The following FAT4 variants were observed in gnomAD, a reference collection of about 807,000 sequenced individuals.
FAT4 encodes FAT atypical cadherin 4, also known as protocadherin Fat 4.
Under a neutral mutation model 303.9 loss-of-function variants are expected in FAT4, and 84 were observed. That is an observed-to-expected ratio of 0.28 (90% confidence interval 0.23 to 0.33). The LOEUF (loss-of-function observed/expected upper bound fraction) is 0.33. Among genes scored for constraint, FAT4 ranks in the 10% least tolerant of loss-of-function variants. The probability of loss-of-function intolerance (pLI) is 1.00; values close to 1 mark genes in which losing one functional copy is unlikely to be tolerated. For synonymous variants in FAT4, 2,307 were observed against 2,298.8 expected, an observed-to-expected ratio of 1.00 and a Z score of -0.10; for missense variants, 6,005 against 6,146.8, an observed-to-expected ratio of 0.98 and a Z score of 0.77.
At chr4:125,352,621 G>A (rs1052985767) in intron 2 of FAT4, among the ~76,000 whole-genome samples, 1 of 151,620 alleles carries the variant, frequency 6.6e-6, no homozygotes, top group African/African-American at 2.4e-5. Flanking sequence ...CTTCATTTGT[G>A]TACATCACAA....
chr4:125,440,610 TGAGAGAGAGAGA>T (rs1553925990), intron 8 of FAT4, among the ~76,000 whole-genome samples: 29 of 75,750 alleles, frequency 3.8e-4, no homozygotes, highest in Non-Finnish European at 4.7e-4. Flanking sequence ...TGTGTGTGTG[TGAGAGAGAGAGA>T]GAGAGAGAGA....
rs532351584 is a variant in FAT4 at position 125,408,427 on chromosome 4, A to G, written c.5570-17A>G. The G allele has an allele frequency of 5.3e-6, 8 of 1,502,466 alleles. No homozygotes were observed. Among genetic ancestry groups the G allele is most frequent in the Non-Finnish European group, 7.2e-6 (8 of 1,107,192 alleles). The allele number at this position is 1,502,466 out of a possible 1,614,324, so 93.1% of individuals were successfully genotyped here. A position where few individuals can be genotyped will look rare whatever the true frequency, so the allele number is the denominator to read the frequency against. On this transcript the variant is annotated splice_polypyrimidine_tract_variant and intron_variant, in intron 4 of 17. Transcript: ENST00000394329. ...TTACTTCCTTGATTTTATACTATTA[A>G]TTTATTCTTTTGATAGGTTCTTTGG... is the stretch of plus-strand genomic sequence containing the variant.
At chr4:125,354,416 A>G (rs1018075571) in intron 2 of FAT4, among the ~76,000 whole-genome samples, 1 of 151,780 alleles carries the variant, frequency 6.6e-6, no homozygotes, top group East Asian at 1.9e-4. Flanking sequence ...AATTATACAC[A>G]TTGAATCTTT....
chr4:125,354,896 A>G (rs1732369067), intron 2 of FAT4, among the ~76,000 whole-genome samples: 1 of 151,834 alleles, frequency 6.6e-6, no homozygotes, highest in African/African-American at 2.4e-5. Context: ...ATGGTTTCTG[A>G]GACTTTCTGA....
In FAT4 at chr4:125,318,905, A is replaced by T. The variant is rs1434163733; in HGVS notation, c.2494A>T (p.Thr832Ser). 1 of 1,614,154 alleles carries T rather than the reference A, an allele frequency of 6.2e-7. No individual in the cohort carries two copies. Among genetic ancestry groups the T allele is most frequent in the South Asian group, 1.1e-5 (1 of 91,076 alleles). The change falls in exon 2 of 18, where the codon ACT (threonine) becomes TCT (serine). Residue 832 changes from threonine to serine, a missense_variant. Physicochemically the swap from Thr to Ser is moderately conservative, Grantham distance 58. Coordinates refer to ENST00000394329, the MANE Select transcript of FAT4 (RefSeq NM_001291303.3). ...LNSNISYLIT[T>S]GDQKGMFAIN... ...TTCCAACATCAGTTATCTCATTACT[A>T]CTGGGGATCAGAAAGGTATGTTTGC... is the stretch of plus-strand genomic sequence containing the variant.
At chr4:125,393,803 A>C in intron 2 of FAT4, 1 of 521,010 alleles carries the variant, frequency 1.9e-6, no homozygotes, top group Non-Finnish European at 3.5e-6. Context: ...TCATTTGTGA[A>C]CTAATTGGTT....
At position 125,450,825 on chromosome 4, in the gene FAT4, C is replaced by A; in HGVS notation, c.9815C>A (p.Ala3272Asp). The change falls in exon 10 of 18, where the codon GCC becomes GAC. Residue 3272 changes from alanine (A) to aspartate (D), a missense_variant. By Grantham distance (126) the Ala-to-Asp change is moderately radical (BLOSUM62 -2). Coordinates refer to ENST00000394329, the MANE Select transcript of FAT4 (RefSeq NM_001291303.3). ...TKQSYHLTVKAFNVPDEERCS... is the reference protein window; with the variant it reads ...TKQSYHLTVKDFNVPDEERCS... ...CAGAGCTACCATCTTACTGTGAAAG[C>A]CTTCAATGTCCCCGATGAGGAAAGG... 6.2e-7 allele frequency: 1 copy of A among 1,614,106 alleles called. No individual in the cohort carries two copies. Among genetic ancestry groups the A allele is most frequent in the Non-Finnish European group, 8.5e-7 (1 of 1,180,014 alleles).
rs1190294298 is a variant in FAT4 at position 125,408,784 on chromosome 4, T to G, written c.5910T>G (p.Asp1970Glu). 1 of 1,480,092 alleles carries G rather than the reference T, an allele frequency of 6.8e-7. No individual in the cohort carries two copies. Among genetic ancestry groups the G allele is most frequent in the Admixed American group, 2.1e-5 (1 of 46,936 alleles). The allele number at this position is 1,480,092 out of a possible 1,614,324, so 91.7% of individuals were successfully genotyped here. Residue 1970 changes from aspartate (D) to glutamate (E), a missense_variant, in exon 5 of 18, where the codon GAT becomes GAG. Asp to Glu is a conservative substitution (Grantham distance 45, BLOSUM62 2). Coordinates refer to ENST00000394329, the MANE Select transcript of FAT4 (RefSeq NM_001291303.3). ...GSTVLVFNVT[D>E]ADDGINSQLT... ...CTGTTCTTGTGTTTAATGTTACTGA[T>G]GCAGATGATGGTATGTATTTTATTT...
intron 2 of FAT4, among the ~76,000 whole-genome samples, chr4:125,346,038 T>C (rs192922647): frequency 2.0e-5 from 3 of 152,206 alleles, no homozygotes; most frequent in South Asian, 2.1e-4. Context: ...TTATTCACTT[T>C]GTTAGCCCAA....
Position 125,408,725 on chromosome 4 carries a change from A to T in FAT4, c.5851A>T (p.Thr1951Ser). 1.9e-6 allele frequency: 3 copies of T among 1,611,020 alleles called. No individual in the cohort carries two copies. Among genetic ancestry groups the T allele is most frequent in the Non-Finnish European group, 2.5e-6 (3 of 1,177,992 alleles). Residue 1951 changes from threonine to serine, a missense_variant, in exon 5 of 18, where the codon ACA becomes TCA. Transcript: ENST00000394329. ...TATTTTCAGCTTGAATTCATACAGCACATCTTTAATGGAGAATCTACCTGT... is the reference window on the plus strand; with the variant it reads ...TATTTTCAGCTTGAATTCATACAGCTCATCTTTAATGGAGAATCTACCTGT... ...PPIFSLNSYSTSLMENLPVGS... is the reference protein window; with the variant it reads ...PPIFSLNSYSSSLMENLPVGS...
At chr4:125,379,735 C>G (rs914618261) in intron 2 of FAT4, among the ~76,000 whole-genome samples, 1 of 151,920 alleles carries the variant, frequency 6.6e-6, no homozygotes. Flanking sequence ...GCTTGGATTA[C>G]AGGTATGAGC....
chr4:125,397,279 A>T (rs1037053764), intron 2 of FAT4, among the ~76,000 whole-genome samples: 1 of 152,102 alleles, frequency 6.6e-6, no homozygotes, highest in African/African-American at 2.4e-5. Flanking sequence ...TTTTAAAAGG[A>T]TGGACTGAGG....
rs879110530 is a variant in FAT4 at position 125,451,927 on chromosome 4, G to A, written c.10917G>A (p.Lys3639=). ...CCGGTGGGATTTTAGGCTCTGTGAA[G>A]CCACAGGATCCAGATGTGTTAGACA... ...LFPGGILGSV[K]PQDPDVLDSF... is the part of the protein sequence containing the mutation. Residue 3639 remains lysine, a synonymous_variant, in exon 10 of 18, where the codon AAG becomes AAA. Transcript: ENST00000394329. 5.0e-6 allele frequency: 8 copies of A among 1,614,072 alleles called. No homozygotes were observed. The South Asian group carries it at 7.7e-5, about 16-fold the overall frequency.
rs1358877121 is a variant in FAT4 at position 125,318,040 on chromosome 4, A to G, written c.1629A>G (p.Glu543=). 1 of 1,614,104 alleles carries G rather than the reference A, an allele frequency of 6.2e-7. No homozygotes were observed. The highest frequency in any genetic ancestry group is 2.2e-5 in the East Asian group (1 of 44,858). Reference sequence around the variant, plus strand: ...GGTCCTCTGGGGGCCTGGACCGTGAACTTGCTTCCCAGATTGTTCTGAATA... The same window carrying G: ...GGTCCTCTGGGGGCCTGGACCGTGAGCTTGCTTCCCAGATTGTTCTGAATA... ...TTGSSGGLDR[E]LASQIVLNIS... is the part of the protein sequence containing the mutation. The change falls in exon 2 of 18, where the codon GAA becomes GAG. Residue 543 remains glutamate, a synonymous_variant. Transcript: ENST00000394329.
intron 2 of FAT4, among the ~76,000 whole-genome samples, chr4:125,323,002 G>C (rs2125948090): frequency 6.6e-6 from 1 of 152,062 alleles, no homozygotes; most frequent in South Asian, 2.1e-4. Context: ...ATATGTAATT[G>C]AATTTTGATT....
At chr4:125,346,470 C>G (rs191651363) in intron 2 of FAT4, among the ~76,000 whole-genome samples, 12 of 151,712 alleles carry the variant, frequency 7.9e-5, no homozygotes, top group Admixed American at 7.9e-4. Flanking sequence ...CATGATTAGA[C>G]AATAAGGGTA....
intron 2 of FAT4, among the ~76,000 whole-genome samples, chr4:125,327,299 A>G (rs1731195974): frequency 1.3e-5 from 2 of 152,180 alleles, no homozygotes; most frequent in Admixed American, 1.3e-4. Flanking sequence ...GGAAGCAGTC[A>G]CTGGAGTTTA....
In FAT4 at chr4:125,355,891, A is replaced by G. The variant is rs77335503; in HGVS notation, c.5175+34305A>G. 5.5e-3 allele frequency among the ~76,000 whole-genome samples: 841 copies of G among 151,584 alleles called. 1 individual carries two copies. Among genetic ancestry groups the G allele is most frequent in the Non-Finnish European group, 9.0e-3 (614 of 67,962 alleles). On this transcript the variant is annotated intron_variant, in intron 2 of 17. Coordinates refer to ENST00000394329, the MANE Select transcript of FAT4 (RefSeq NM_001291303.3). ...GCCATATTGTCTCTTCCTTCCCCAG[A>G]TATTCTTACATTAGAGGATTTTTTC...
chr4:125,453,609 G>T (rs1726174821), intron 10 of FAT4, among the ~76,000 whole-genome samples: 1 of 152,022 alleles, frequency 6.6e-6, no homozygotes, highest in Admixed American at 6.6e-5. Flanking sequence ...GGGAGGCTGA[G>T]GCAGAAGAAT....
Sources: gnomAD v4.1 joint callset for allele counts (sites outside exome capture counted in the v4.1 genomes callset) on GRCh38, gnomAD v4.1.1 for gene constraint, MANE v1.5 for transcripts, NCBI Gene and HGNC (gene_info 2026-07-23, HGNC 2026-07-21) for gene names.